TAF2: variants seen among roughly 807,000 people sequenced by gnomAD.
The protein encoded by TAF2 is TATA-box binding protein associated factor 2.
A neutral mutation model predicts 138.5 loss-of-function variants in TAF2; 61 were observed. The observed-to-expected ratio is 0.44, with a 90% CI of 0.36 to 0.54. The LOEUF (loss-of-function observed/expected upper bound fraction) is 0.54, where lower values mean the gene tolerates loss of function less well. TAF2 is among the 20% of genes least tolerant of loss of function. The pLI is 0.00. For synonymous variants in TAF2, 475 were observed against 469.9 expected, an observed-to-expected ratio of 1.01 and a Z score of -0.14; for missense variants, 1,090 against 1,427.9, an observed-to-expected ratio of 0.76 and a Z score of 3.81.
chr8:119,803,645 T>G (rs762624667), intron 5 of TAF2, among the ~76,000 whole-genome samples: 1 of 147,474 alleles, frequency 6.8e-6, no homozygotes, highest in Non-Finnish European at 1.5e-5. Flanking sequence ...TGAGCAGAGA[T>G]AGCACCCCAG....
At chr8:119,803,800 C>T in intron 5 of TAF2, 78 bp downstream of exon 5, 1 of 1,339,424 alleles carries the variant, frequency 7.5e-7, no homozygotes, top group South Asian at 1.3e-5. Context: ...TCTTGTTTTA[C>T]ACCAAATGTA....
chr8:119,776,720 A>C (rs566727765), intron 18 of TAF2, among the ~76,000 whole-genome samples: 57 of 152,062 alleles, frequency 3.7e-4, no homozygotes, highest in Non-Finnish European at 7.1e-4. Flanking sequence ...GATTTATCCT[A>C]ACACTTACTT....
At chr8:119,792,843 G>T (rs1042561435) in intron 10 of TAF2, among the ~76,000 whole-genome samples, 4 of 152,148 alleles carry the variant, frequency 2.6e-5, no homozygotes, top group African/African-American at 9.7e-5. Context: ...CCAACTAGGT[G>T]CAGAGAGCAG....
chr8:119,757,470 A>G (rs901412148), intron 21 of TAF2, among the ~76,000 whole-genome samples: 2 of 152,120 alleles, frequency 1.3e-5, no homozygotes, highest in Admixed American at 6.5e-5. Context: ...TTTGTTCTTT[A>G]GTGCATTTTA....
intron 18 of TAF2, among the ~76,000 whole-genome samples, chr8:119,768,511 T>C (rs1048805518): frequency 6.6e-6 from 1 of 152,232 alleles, no homozygotes; most frequent in East Asian, 1.9e-4. Context: ...TATTCCACTG[T>C]GGTCTGAGAA....
intron 3 of TAF2, among the ~76,000 whole-genome samples, chr8:119,811,805 C>CAAAAAAA (rs771523182): frequency 5.0e-5 from 3 of 60,326 alleles, no homozygotes; most frequent in Non-Finnish European, 6.5e-5. Context: ...GACTCCGTCT[C>CAAAAAAA]AAAAAAAAAA....
rs1330296944 is a variant in TAF2 at position 119,762,769 on chromosome 8, C to CA, written c.2365-162dup. ...TTCAACTCCACCCTTTGCATGTGGTCACTCTGAAAACAGTAAGAGATTCAC... is the reference window on the plus strand; with the variant it reads ...TTCAACTCCACCCTTTGCATGTGGTCAACTCTGAAAACAGTAAGAGATTCAC... On this transcript the variant is annotated intron_variant, in intron 18 of 25. Transcript: ENST00000378164. The CA allele has an allele frequency of 1.3e-5, 8 of 603,578 alleles. No homozygotes were observed. The East Asian group carries it at 2.3e-4, about 17-fold the overall frequency. 37.4% of individuals were successfully genotyped at this position (603,578 alleles called of 1,614,324 possible). A position where few individuals can be genotyped will look rare whatever the true frequency, so the allele number is the denominator to read the frequency against.
chr8:119,739,726 T>G (rs1440606481), intron 25 of TAF2, among the ~76,000 whole-genome samples: 1 of 150,658 alleles, frequency 6.6e-6, no homozygotes, highest in Non-Finnish European at 1.5e-5. Flanking sequence ...CTCAAAAGCC[T>G]TGTCCTGAGG....
At chr8:119,789,998 G>A (rs1425432689) in intron 11 of TAF2, among the ~76,000 whole-genome samples, 5 of 151,908 alleles carry the variant, frequency 3.3e-5, no homozygotes, top group Non-Finnish European at 7.4e-5. Flanking sequence ...AAGAATTATA[G>A]TAAGAATAAT....
chr8:119,788,555 T>TACAAAAAATTAGCCG, intron 13 of TAF2, 108 bp from the exon 14 acceptor site: 1 of 582,014 alleles, frequency 1.7e-6, no homozygotes, highest in East Asian at 6.1e-5. Flanking sequence ...TTACACAAAA[T>TACAAAAAATTAGCCG]GAGTATCTGG....
At chr8:119,817,378 G>A (rs551990780) in intron 3 of TAF2, among the ~76,000 whole-genome samples, 1 of 152,228 alleles carries the variant, frequency 6.6e-6, no homozygotes, top group East Asian at 1.9e-4. Flanking sequence ...ATTGTGAACT[G>A]CGCATGCAAG....
At chr8:119,823,982 T>C (rs1012189395) in intron 2 of TAF2, among the ~76,000 whole-genome samples, 1 of 152,164 alleles carries the variant, frequency 6.6e-6, no homozygotes, top group Non-Finnish European at 1.5e-5. Context: ...TTGTGGAACT[T>C]TGAACTTGAG....
chr8:119,827,581 G>C (rs1040741600), intron 2 of TAF2, among the ~76,000 whole-genome samples: 6 of 152,110 alleles, frequency 3.9e-5, no homozygotes, highest in Non-Finnish European at 5.9e-5. Flanking sequence ...ATTGCTGAAG[G>C]CTCAGTTACA....
At chr8:119,829,559 A>G (rs573538999) in intron 2 of TAF2, among the ~76,000 whole-genome samples, 4 of 151,482 alleles carry the variant, frequency 2.6e-5, no homozygotes, top group South Asian at 2.1e-4. Context: ...ATGTATGTGT[A>G]TATATATATA....
Position 119,821,317 on chromosome 8 carries a change from CCCA to C in TAF2, c.139-1814_139-1812del, listed in dbSNP as rs1279798307. 2.6e-5 allele frequency among the ~76,000 whole-genome samples: 4 copies of C among 152,158 alleles called. No homozygotes were observed. In the East Asian group the frequency reaches 7.7e-4, roughly 29 times the overall value. ...CTCACTCCTTGCTTCTTGCTCTCTC[CCCA>C]CCACTTCACAGATAACCATTCTCCT... On this transcript the variant is annotated intron_variant, in intron 2 of 25. Transcript: ENST00000378164.
chr8:119,800,035 T>C (rs1329713864), intron 6 of TAF2, among the ~76,000 whole-genome samples: 1 of 152,246 alleles, frequency 6.6e-6, no homozygotes, highest in Non-Finnish European at 1.5e-5. Context: ...TTGTAGATTC[T>C]GCATATTAGC....
At chr8:119,735,946 A>T (rs1230689277) in intron 25 of TAF2, among the ~76,000 whole-genome samples, 1 of 152,224 alleles carries the variant, frequency 6.6e-6, no homozygotes, top group Non-Finnish European at 1.5e-5. Flanking sequence ...ATTCTATATC[A>T]ACAGACTTTG....
At chr8:119,792,595 T>C (rs1383132763) in intron 10 of TAF2, among the ~76,000 whole-genome samples, 1 of 152,104 alleles carries the variant, frequency 6.6e-6, no homozygotes, top group Non-Finnish European at 1.5e-5. Context: ...AGTGGTGCTA[T>C]AGTTTGTTTG....
rs764740775 is a variant in TAF2, at chr8:119,791,390, A to T, written c.1347T>A (p.Phe449Leu). ...HTLSWEYYSM[F>L]QCKAHLVMRL... ...TCATCACAAGGTGGGCTTTACACTG[A>T]AACATACTGTAGTATTCCCAGGACA... The change falls in exon 11 of 26, where the codon TTT becomes TTA. Residue 449 changes from phenylalanine to leucine, a missense_variant. Around this residue, in one of 3 missense-constraint regions of TAF2, gnomAD observed 504 missense variants for 680.9 expected, o/e 0.74. Coordinates refer to ENST00000378164, the MANE Select transcript of TAF2 (RefSeq NM_003184.4). 27 of 1,613,654 alleles carry T rather than the reference A, an allele frequency of 1.7e-5. 2 individuals are homozygous for T. The South Asian group carries it at 2.5e-4, about 15-fold the overall frequency.
Sources: gnomAD v4.1 joint callset for allele counts (sites outside exome capture counted in the v4.1 genomes callset) on GRCh38, gnomAD v4.1.1 for gene constraint, gnomAD v4.1.1 regional missense constraint, MANE v1.5 for transcripts, NCBI Gene and HGNC (gene_info 2026-07-23, HGNC 2026-07-21) for gene names.